FNBP1: variants seen among roughly 807,000 people sequenced by gnomAD.
FNBP1 encodes formin-binding protein 1.
FNBP1 carries 26 observed loss-of-function variants against 90.6 expected under a neutral mutation model. The ratio of observed to expected loss-of-function variants is 0.29; its 90% CI spans 0.21 to 0.40. The LOEUF (loss-of-function observed/expected upper bound fraction) is 0.40. FNBP1 is among the 10% of genes least tolerant of loss of function. The probability of loss-of-function intolerance (pLI) is 1.00; values close to 1 mark genes in which losing one functional copy is unlikely to be tolerated. For missense variants in FNBP1, 635 were observed against 768.0 expected (o/e 0.83, Z 2.05); for synonymous variants, 260 against 265.2 (o/e 0.98, Z 0.19).
intron 1 of FNBP1, among the ~76,000 whole-genome samples, chr9:130,037,770 T>TCA (rs960324763): frequency 1.3e-5 from 2 of 152,090 alleles, no homozygotes; most frequent in African/African-American, 4.8e-5. Context: ...ATACCTAAAA[T>TCA]TATATATATA....
At chr9:129,987,847 A>G (rs1196252555) in intron 2 of FNBP1, among the ~76,000 whole-genome samples, 3 of 152,010 alleles carry the variant, frequency 2.0e-5, no homozygotes, top group Non-Finnish European at 4.4e-5. Context: ...GTTTCACTTT[A>G]CTGTCGTTTG....
chr9:129,913,889 T>G (rs903053456), intron 11 of FNBP1, among the ~76,000 whole-genome samples: 2 of 6,564 alleles, frequency 3.0e-4, no homozygotes, highest in Admixed American at 2.5e-3. Flanking sequence ...GTTTTATAGT[T>G]TTTTTTTTTG....
chr9:129,922,421 A>G (rs1295020966), intron 10 of FNBP1, among the ~76,000 whole-genome samples: 1 of 152,186 alleles, frequency 6.6e-6, no homozygotes, highest in Non-Finnish European at 1.5e-5. Context: ...ACAGAATCTC[A>G]GACTCTGTAA....
chr9:129,981,067 A>G (rs1482605567), intron 2 of FNBP1, among the ~76,000 whole-genome samples: 3 of 131,774 alleles, frequency 2.3e-5, no homozygotes, highest in Admixed American at 7.6e-5. Flanking sequence ...AAAAAAAAAA[A>G]GAGAAATAGC....
intron 6 of FNBP1, among the ~76,000 whole-genome samples, chr9:129,943,034 C>G (rs988841127): frequency 1.3e-5 from 2 of 152,148 alleles, no homozygotes; most frequent in African/African-American, 2.4e-5. Flanking sequence ...TCTCATCTTA[C>G]TTCTCCAGCT....
chr9:130,010,799 T>C (rs1589246640), intron 1 of FNBP1, among the ~76,000 whole-genome samples: 1 of 149,776 alleles, frequency 6.7e-6, no homozygotes, highest in South Asian at 2.1e-4. Flanking sequence ...AAAATGTTGC[T>C]ATAATTCAAC....
At chr9:130,034,139 G>C (rs1191107889) in intron 1 of FNBP1, among the ~76,000 whole-genome samples, 1 of 151,476 alleles carries the variant, frequency 6.6e-6, no homozygotes, top group Admixed American at 6.6e-5. Flanking sequence ...GGCTAACACT[G>C]TGAAACCCCG....
upstream of FNBP1, among the ~76,000 whole-genome samples, chr9:130,046,312 C>T (rs187951816): frequency 3.2e-4 from 49 of 152,086 alleles, no homozygotes; most frequent in Non-Finnish European, 5.7e-4. Flanking sequence ...TGGGGAGAGG[C>T]GCTGAAAGTT....
At chr9:130,019,577 C>A (rs2057603512) in intron 1 of FNBP1, among the ~76,000 whole-genome samples, 1 of 152,000 alleles carries the variant, frequency 6.6e-6, no homozygotes, top group South Asian at 2.1e-4. Context: ...CCATCTGGAA[C>A]CAAAATCTGC....
intron 8 of FNBP1, among the ~76,000 whole-genome samples, chr9:129,926,855 C>A (rs2041996378): frequency 6.7e-6 from 1 of 149,216 alleles, no homozygotes; most frequent in Non-Finnish European, 1.5e-5. Context: ...CACTGCACTG[C>A]AGCCTGGGCA....
At chr9:129,945,088 C>A (rs1302603874) in intron 6 of FNBP1, among the ~76,000 whole-genome samples, 1 of 152,102 alleles carries the variant, frequency 6.6e-6, no homozygotes, top group Admixed American at 6.6e-5. Flanking sequence ...CTATTTTGTA[C>A]ATTAACTTAT....
intron 4 of FNBP1, among the ~76,000 whole-genome samples, chr9:129,976,795 C>A (rs1266253501): frequency 6.6e-6 from 1 of 152,096 alleles, no homozygotes; most frequent in East Asian, 1.9e-4. Context: ...TCACTTTTGT[C>A]ATTATTACTT....
intron 16 of FNBP1, among the ~76,000 whole-genome samples, chr9:129,891,287 C>A (rs2035078846): frequency 6.6e-6 from 1 of 151,924 alleles, no homozygotes; most frequent in African/African-American, 2.4e-5. Context: ...CATAGCCAGA[C>A]CTCATCTCTA....
At chr9:129,891,482 A>T (rs1476445669) in intron 16 of FNBP1, among the ~76,000 whole-genome samples, 2 of 152,180 alleles carry the variant, frequency 1.3e-5, no homozygotes, top group African/African-American at 4.8e-5. Context: ...AAAAGAAAAG[A>T]AAAGAAATGC....
At chr9:129,996,023 G>C (rs1054939878) in intron 1 of FNBP1, among the ~76,000 whole-genome samples, 2 of 152,174 alleles carry the variant, frequency 1.3e-5, no homozygotes, top group Non-Finnish European at 1.5e-5. Flanking sequence ...CCGGTTGGAC[G>C]TGGAGGCTGG....
intron 4 of FNBP1, among the ~76,000 whole-genome samples, chr9:129,959,535 G>A (rs1252054083): frequency 6.6e-6 from 1 of 152,156 alleles, no homozygotes; most frequent in Non-Finnish European, 1.5e-5. Flanking sequence ...GTTGCAGTGA[G>A]CTGAGATCGT....
chr9:129,940,013 T>C (rs550410865), intron 6 of FNBP1, among the ~76,000 whole-genome samples: 2 of 151,944 alleles, frequency 1.3e-5, no homozygotes, highest in Admixed American at 6.6e-5. Context: ...CCAGCCTAGG[T>C]AACATAGTGA....
At chr9:130,039,730 A>G (rs958944683) in intron 1 of FNBP1, among the ~76,000 whole-genome samples, 31 of 152,094 alleles carry the variant, frequency 2.0e-4, no homozygotes, top group Admixed American at 8.5e-4. Flanking sequence ...AAGAAAAAGT[A>G]AAAAAGAAAG....
chr9:130,042,961 G>T lies in FNBP1; in HGVS notation c.15C>A (p.Thr5=). 2.4e-6 allele frequency: 3 copies of T among 1,227,356 alleles called. No individual in the cohort carries two copies. The highest frequency in any genetic ancestry group is 3.0e-6 in the Non-Finnish European group (3 of 984,680). The allele number at this position is 1,227,356 out of a possible 1,614,324, so 76.0% of individuals were successfully genotyped here. The part of the protein sequence containing the change: MSWG[T]ELWDQFDNLE... ...CCAGCCCCTCACTCACCCAGAGCTC[G>T]GTGCCCCAGCTCATGGTGCAGGGGA... The change falls in exon 1 of 17, where the codon ACC becomes ACA. Residue 5 remains threonine (T), a synonymous_variant. Coordinates refer to ENST00000446176, the MANE Select transcript of FNBP1 (RefSeq NM_015033.3). This position sits in a 1 kb window ranked among gnomAD's most constrained non-coding sequence, Gnocchi z 5.5.
Sources: gnomAD v4.1 joint callset for allele counts (sites outside exome capture counted in the v4.1 genomes callset) on GRCh38, gnomAD v4.1.1 for gene constraint, Gnocchi (gnomAD v3.1) non-coding constraint, MANE v1.5 for transcripts, NCBI Gene and HGNC (gene_info 2026-07-23, HGNC 2026-07-21) for gene names.